Variants in LRMDA observed in about 807,000 individuals in gnomAD.
LRMDA encodes leucine rich melanocyte differentiation associated.
In LRMDA, 18 loss-of-function variants were observed where a neutral mutation model predicts 29.8. That is an observed-to-expected ratio of 0.60 (90% confidence interval 0.42 to 0.90). LRMDA has a LOEUF of 0.90. Among genes scored for constraint, LRMDA ranks in the 40% least tolerant of loss-of-function variants. LRMDA has a pLI of 0.00. For missense variants in LRMDA, 273 were observed against 273.9 expected (o/e 1.00, Z 0.02); for synonymous variants, 125 against 109.4 (o/e 1.14, Z -0.89).
In LRMDA at chr10:76,170,581, A is replaced by AT. The variant is rs538683399; in HGVS notation, c.516+111802dup. On this transcript the variant is annotated intron_variant, in intron 5 of 6. Transcript: ENST00000611255. ...TAAAGCAGAGATAATACTGCTACCA[A>AT]TTTTGGAGATTTAACTAATTCTGCC... Among the ~76,000 whole-genome samples, 6 of 152,328 alleles carry AT rather than the reference A, an allele frequency of 3.9e-5. No homozygotes were observed. In the South Asian group the frequency reaches 1.2e-3, roughly 32 times the overall value.
At chr10:75,773,604 A>G (rs938611542) in intron 2 of LRMDA, among the ~76,000 whole-genome samples, 4 of 152,198 alleles carry the variant, frequency 2.6e-5, no homozygotes, top group Non-Finnish European at 4.4e-5. Context: ...GGGTCACCTG[A>G]GGTCTAGGCC....
At chr10:75,661,093 C>A (rs1564533602) in intron 2 of LRMDA, among the ~76,000 whole-genome samples, 1 of 152,194 alleles carries the variant, frequency 6.6e-6, no homozygotes, top group Non-Finnish European at 1.5e-5. Context: ...GCTTTGCCAG[C>A]AGCCAGGCGG....
At chr10:76,033,211 C>T (rs889462014) in intron 2 of LRMDA, among the ~76,000 whole-genome samples, 1 of 152,182 alleles carries the variant, frequency 6.6e-6, no homozygotes, top group African/African-American at 2.4e-5. Flanking sequence ...TGCCCCAGCC[C>T]TCAGCTCTGG....
chr10:75,517,255 A>T (rs1589166555), intron 2 of LRMDA, among the ~76,000 whole-genome samples: 2 of 152,154 alleles, frequency 1.3e-5, no homozygotes, highest in Admixed American at 1.3e-4. Flanking sequence ...TGGTAGCTTG[A>T]TGGGGATGGC....
intron 5 of LRMDA, chr10:76,318,247 T>G (rs1840724936): frequency 6.6e-6 from 1 of 152,272 alleles, no homozygotes. Context: ...CCTTCCTTTT[T>G]TCCTTTCGTA....
At chr10:75,650,922 G>A (rs867820299) in intron 2 of LRMDA, among the ~76,000 whole-genome samples, 88 of 152,174 alleles carry the variant, frequency 5.8e-4, no homozygotes, top group African/African-American at 1.6e-3. Flanking sequence ...ATAGATGGTC[G>A]CCCCAGCATC....
chr10:76,472,716 A>G (rs1234185168), intron 6 of LRMDA, among the ~76,000 whole-genome samples: 3 of 151,664 alleles, frequency 2.0e-5, no homozygotes, highest in African/African-American at 7.2e-5. Flanking sequence ...TATCAACCTG[A>G]CAGAAATAAA....
At chr10:76,208,454 A>C (rs1851577011) in intron 5 of LRMDA, among the ~76,000 whole-genome samples, 1 of 152,206 alleles carries the variant, frequency 6.6e-6, no homozygotes, top group Non-Finnish European at 1.5e-5. Context: ...GACTAATCAC[A>C]GGGCAGCCAG....
chr10:75,599,896 G>A (rs1840859821), intron 2 of LRMDA, among the ~76,000 whole-genome samples: 1 of 152,208 alleles, frequency 6.6e-6, no homozygotes, highest in Non-Finnish European at 1.5e-5. Context: ...GTAGAAATGA[G>A]TGGTGACAAG....
At chr10:75,704,083 C>G (rs1210330878) in intron 2 of LRMDA, among the ~76,000 whole-genome samples, 1 of 152,186 alleles carries the variant, frequency 6.6e-6, no homozygotes, top group Non-Finnish European at 1.5e-5. Context: ...AGAGGTACAG[C>G]AGACTCTGCA....
rs146356630 is a variant in LRMDA, at chr10:76,326,832, C to T, written c.601+2347C>T. Among the ~76,000 whole-genome samples the T allele has an allele frequency of 1.7e-3, 264 of 152,272 alleles. 3 individuals are homozygous for T. The highest frequency in any genetic ancestry group is 5.8e-3 in the African/African-American group (241 of 41,558). On this transcript the variant is annotated intron_variant, in intron 6 of 6. Transcript: ENST00000611255. ...AGAATAATGATCAGGAGACCTGGGA[C>T]TCAATTTTTCCATCTGTTGCTTGTA... is the stretch of plus-strand genomic sequence containing the variant.
At chr10:76,445,433 G>A (rs1312977914) in intron 6 of LRMDA, among the ~76,000 whole-genome samples, 1 of 152,174 alleles carries the variant, frequency 6.6e-6, no homozygotes, top group Non-Finnish European at 1.5e-5. Flanking sequence ...TCAGAGGTCT[G>A]TTTGCTTCTG....
At chr10:76,045,061 C>T (rs774745922) in intron 3 of LRMDA, among the ~76,000 whole-genome samples, 9 of 149,268 alleles carry the variant, frequency 6.0e-5, no homozygotes, top group Non-Finnish European at 1.3e-4. Flanking sequence ...AGTTTTTCCC[C>T]TCCTTTGTTA....
chr10:76,062,654 C>CAG (rs1554844070), intron 5 of LRMDA, among the ~76,000 whole-genome samples: 1 of 136,344 alleles, frequency 7.3e-6, no homozygotes, highest in African/African-American at 2.7e-5. Flanking sequence ...GACTTTATCT[C>CAG]TCTGTGTGTG....
intron 2 of LRMDA, among the ~76,000 whole-genome samples, chr10:75,872,327 G>C (rs1251446021): frequency 6.6e-6 from 1 of 151,270 alleles, no homozygotes; most frequent in Non-Finnish European, 1.5e-5. Context: ...TTGAGACGAT[G>C]GAATCTCGCT....
At chr10:76,098,225 G>A (rs1031178745) in intron 5 of LRMDA, among the ~76,000 whole-genome samples, 2 of 152,068 alleles carry the variant, frequency 1.3e-5, no homozygotes, top group African/African-American at 4.8e-5. Flanking sequence ...TGTAGAATTT[G>A]TATTATTCTC....
At chr10:75,992,925 G>GTTAC (rs58468522) in intron 2 of LRMDA, among the ~76,000 whole-genome samples, 4,702 of 151,916 alleles carry the variant, frequency 0.031, 136 homozygotes, top group African/African-American at 0.076. Flanking sequence ...AAATATTCAG[G>GTTAC]TTACAGGGTA....
At chr10:76,078,260 C>T (rs984638301) in intron 5 of LRMDA, among the ~76,000 whole-genome samples, 6 of 151,806 alleles carry the variant, frequency 4.0e-5, no homozygotes, top group Admixed American at 2.0e-4. Context: ...CTGCCCGTCT[C>T]GGCCTCCCAA....
At chr10:76,354,588 C>T (rs561615823) in intron 6 of LRMDA, among the ~76,000 whole-genome samples, 57 of 152,254 alleles carry the variant, frequency 3.7e-4, no homozygotes, top group African/African-American at 9.9e-4. Context: ...TGCTTCCTAA[C>T]TAGTACTTTA....
Sources: gnomAD v4.1 joint callset for allele counts (sites outside exome capture counted in the v4.1 genomes callset) on GRCh38, gnomAD v4.1.1 for gene constraint, MANE v1.5 for transcripts, NCBI Gene and HGNC (gene_info 2026-07-23, HGNC 2026-07-21) for gene names.